GAS7: variants seen among roughly 807,000 people sequenced by gnomAD.
GAS7 encodes the protein growth arrest specific 7.
A neutral mutation model predicts 71.1 loss-of-function variants in GAS7; 28 were observed. That is an observed-to-expected ratio of 0.39 (90% CI 0.29 to 0.54). The LOEUF is 0.54. Among genes scored for constraint, GAS7 ranks in the 20% least tolerant of loss-of-function variants. The pLI is 0.62. For missense variants in GAS7, 436 were observed against 627.8 expected (o/e 0.69, Z 3.27); for synonymous variants, 258 against 245.8 (o/e 1.05, Z -0.46).
At chr17:9,965,814 C>T (rs1249342002) in intron 4 of GAS7, among the ~76,000 whole-genome samples, 1 of 152,132 alleles carries the variant, frequency 6.6e-6, no homozygotes, top group East Asian at 1.9e-4. Context: ...GGCACCAGAT[C>T]ACCACCTCCT....
rs1216836481 is a variant in GAS7, at chr17:10,184,314, A to C, written c.183+13894T>G. On this transcript the variant is annotated intron_variant, in intron 1 of 13. Coordinates refer to ENST00000432992, the MANE Select transcript of GAS7 (RefSeq NM_201433.2). Reference sequence around the variant, plus strand: ...CCTCCCTGAGGCCCACCTCCACCTCATGATCAAGGAAACTCCTCTGGTCAA... The same window carrying C: ...CCTCCCTGAGGCCCACCTCCACCTCCTGATCAAGGAAACTCCTCTGGTCAA... Among the ~76,000 whole-genome samples, 4 of 152,026 alleles carry C rather than the reference A, an allele frequency of 2.6e-5. No homozygotes were observed. In the East Asian group the frequency reaches 7.7e-4, roughly 29 times the overall value.
chr17:10,061,351 G>C (rs2073217591), intron 1 of GAS7: 1 of 152,220 alleles, frequency 6.6e-6, no homozygotes, highest in Non-Finnish European at 1.5e-5. Flanking sequence ...TACAGCATTG[G>C]GGTTGGGCTC....
At chr17:10,096,542 T>A (rs1162149189) in intron 1 of GAS7, among the ~76,000 whole-genome samples, 1 of 152,176 alleles carries the variant, frequency 6.6e-6, no homozygotes, top group African/African-American at 2.4e-5. Context: ...AGGATGGCAC[T>A]CCATTTTCCT....
intron 2 of GAS7, among the ~76,000 whole-genome samples, chr17:9,995,540 CAAA>C (rs34223707): frequency 0.26 from 37,459 of 143,178 alleles, 4,918 homozygotes; most frequent in Middle Eastern, 0.36. Flanking sequence ...TGATCAATAA[CAAA>C]AAAAAAAAAA....
intron 1 of GAS7, among the ~76,000 whole-genome samples, chr17:10,143,371 T>A (rs1264647757): frequency 6.6e-6 from 1 of 151,972 alleles, no homozygotes; most frequent in Non-Finnish European, 1.5e-5. Context: ...TGAAACCCCA[T>A]CTCTACTAAA....
chr17:9,958,215 C>T (rs1391045448), intron 5 of GAS7, among the ~76,000 whole-genome samples: 2 of 152,188 alleles, frequency 1.3e-5, no homozygotes, highest in Non-Finnish European at 2.9e-5. Flanking sequence ...TCAGAGTCCA[C>T]GTTCATCATC....
At chr17:9,977,661 T>C (rs924163074) in intron 3 of GAS7, among the ~76,000 whole-genome samples, 1 of 145,192 alleles carries the variant, frequency 6.9e-6, no homozygotes, top group Non-Finnish European at 1.5e-5. Flanking sequence ...TATTAAAGGA[T>C]GGAATGCAGG....
intron 4 of GAS7, among the ~76,000 whole-genome samples, chr17:9,968,669 C>T (rs1397249286): frequency 6.6e-6 from 1 of 152,184 alleles, no homozygotes; most frequent in Non-Finnish European, 1.5e-5. Context: ...GATTAAGAAC[C>T]ACGGTCTCAG....
At chr17:10,198,095 C>A (rs1024331917) in intron 1 of GAS7, 113 bp downstream of exon 1, 3 of 1,013,198 alleles carry the variant, frequency 3.0e-6, no homozygotes, top group East Asian at 2.7e-5. Context: ...GGGCTGCCCC[C>A]CGGGGCGCCC....
chr17:9,969,717 G>T lies in GAS7; in HGVS notation c.431C>A (p.Thr144Asn). 6.2e-7 allele frequency: 1 copy of T among 1,612,808 alleles called. No individual in the cohort carries two copies. Among genetic ancestry groups the T allele is most frequent in the Non-Finnish European group, 8.5e-7 (1 of 1,178,754 alleles). ...GGATTTTCGGACACTCATGTGGGCA[G>T]TCTCTGGAGGGTGCGCTGGGGTCCC... Reference protein sequence around the residue: ...ASGTPAHPPETAHMSVRKSTG... With the variant: ...ASGTPAHPPENAHMSVRKSTG... Residue 144 changes from threonine (T) to asparagine (N), a missense_variant, in exon 4 of 14, where the codon ACT becomes AAT. By Grantham distance (65) the Thr-to-Asn change is moderately conservative. Coordinates refer to ENST00000432992, the MANE Select transcript of GAS7 (RefSeq NM_201433.2). The surrounding 1 kb of genome is among the most constrained non-coding windows in gnomAD (Gnocchi z 5.5).
chr17:10,145,854 T>G (rs554165553), intron 1 of GAS7, among the ~76,000 whole-genome samples: 1 of 152,142 alleles, frequency 6.6e-6, no homozygotes, highest in East Asian at 1.9e-4. Context: ...TTCAATGAAG[T>G]GGAATGGCTC....
At chr17:10,041,132 G>A (rs1389257041) in intron 1 of GAS7, among the ~76,000 whole-genome samples, 9 of 150,318 alleles carry the variant, frequency 6.0e-5, no homozygotes, top group Admixed American at 1.3e-4. Flanking sequence ...GCTGCACTCC[G>A]GCCTGAGTGA....
chr17:10,133,046 C>G (rs557828281), intron 1 of GAS7, among the ~76,000 whole-genome samples: 3 of 151,868 alleles, frequency 2.0e-5, no homozygotes, highest in Admixed American at 6.6e-5. Context: ...GACCAACTCT[C>G]TCACATATAC....
chr17:10,042,292 CAAA>C (rs58391348), intron 1 of GAS7, among the ~76,000 whole-genome samples: 8 of 95,604 alleles, frequency 8.4e-5, no homozygotes, highest in African/African-American at 1.4e-4. Context: ...GAGACTCCGT[CAAA>C]AAAAAAAAAA....
At chr17:10,102,010 A>T (rs1341490580) in intron 1 of GAS7, among the ~76,000 whole-genome samples, 1 of 152,130 alleles carries the variant, frequency 6.6e-6, no homozygotes, top group South Asian at 2.1e-4. Flanking sequence ...GTGCCCATGC[A>T]TAAGGTAATC....
rs2067462626 is a variant in GAS7, at chr17:9,912,396, A to T, written c.*4832T>A. On this transcript the variant is annotated 3_prime_UTR_variant, in exon 14 of 14. Coordinates refer to ENST00000432992, the MANE Select transcript of GAS7 (RefSeq NM_201433.2). Reference sequence around the variant, plus strand: ...TAGAACAAACACCCTCAGCTTGCAGATGAAGCAACAGATCCAGGAAAGCAT... The same window carrying T: ...TAGAACAAACACCCTCAGCTTGCAGTTGAAGCAACAGATCCAGGAAAGCAT... 8.6e-6 allele frequency: 2 copies of T among 232,894 alleles called. No individual in the cohort carries two copies. The highest frequency in any genetic ancestry group is 4.4e-5 in the African/African-American group (2 of 45,332). 14.4% of individuals were successfully genotyped at this position (232,894 alleles called of 1,614,324 possible). A position where few individuals can be genotyped will look rare whatever the true frequency, so the allele number is the denominator to read the frequency against.
chr17:10,086,813 A>C (rs1321892961), intron 1 of GAS7, among the ~76,000 whole-genome samples: 1 of 152,164 alleles, frequency 6.6e-6, no homozygotes, highest in Non-Finnish European at 1.5e-5. Context: ...AAGAGACATT[A>C]CTTAGCCACC....
chr17:10,073,849 T>G (rs892723018), intron 1 of GAS7, among the ~76,000 whole-genome samples: 6 of 152,312 alleles, frequency 3.9e-5, no homozygotes, highest in Non-Finnish European at 1.5e-5. Flanking sequence ...TCTAACTCAC[T>G]TATCAACCAA....
intron 1 of GAS7, among the ~76,000 whole-genome samples, chr17:10,081,375 C>T (rs1262056936): frequency 2.0e-5 from 3 of 152,118 alleles, no homozygotes; most frequent in East Asian, 3.9e-4. Flanking sequence ...AGGCTGGTCT[C>T]GAACTCCTGA....
Sources: allele counts gnomAD v4.1 joint callset (sites outside exome capture counted in the v4.1 genomes callset), GRCh38; gene constraint gnomAD v4.1.1; non-coding constraint Gnocchi (gnomAD v3.1); transcripts MANE v1.5; gene names NCBI Gene and HGNC (gene_info 2026-07-23, HGNC 2026-07-21).